Variants in SLIT1 observed in about 807,000 individuals in gnomAD.
SLIT1 encodes slit guidance ligand 1.
SLIT1 carries 66 observed loss-of-function variants against 186.1 expected under a neutral mutation model. The ratio of observed to expected loss-of-function variants is 0.35; its 90% CI spans 0.29 to 0.44. The LOEUF is 0.44. Among genes scored for constraint, SLIT1 ranks in the 20% least tolerant of loss-of-function variants. The pLI is 1.00. For missense variants in SLIT1, 1,638 were observed against 2,037.4 expected, an observed-to-expected ratio of 0.80 and a Z score of 3.77; for synonymous variants, 761 against 833.8, an observed-to-expected ratio of 0.91 and a Z score of 1.50.
chr10:97,060,047 C>T lies in SLIT1; in HGVS notation c.1013+40G>A, dbSNP rs199592006. On this transcript the variant is annotated intron_variant, in intron 10 of 36. Coordinates refer to ENST00000266058, the MANE Select transcript of SLIT1 (RefSeq NM_003061.3). ...TGGGACCACCCAGGATCTCCGTCAG[C>T]CCTGTACCAGCTCCCCAGGAAGCAG... 261 of 1,539,712 alleles carry T rather than the reference C, an allele frequency of 1.7e-4. No homozygotes were observed. The African/African-American group carries it at 3.3e-3, about 20-fold the overall frequency.
chr10:97,067,435 CA>C (rs1314891880), intron 4 of SLIT1, among the ~76,000 whole-genome samples: 1 of 152,220 alleles, frequency 6.6e-6, no homozygotes, highest in African/African-American at 2.4e-5. Flanking sequence ...CCCAGGCCAG[CA>C]CTGCCTGAGT....
chr10:97,014,549 G>A (rs1263295235), intron 28 of SLIT1, among the ~76,000 whole-genome samples: 1 of 152,162 alleles, frequency 6.6e-6, no homozygotes, highest in Non-Finnish European at 1.5e-5. Flanking sequence ...TGGGAGGAAG[G>A]TGACTGGGGC....
chr10:97,128,752 G>C (rs1253259946), intron 4 of SLIT1, among the ~76,000 whole-genome samples: 1 of 152,162 alleles, frequency 6.6e-6, no homozygotes, highest in Non-Finnish European at 1.5e-5. Context: ...GGAAAGGAGA[G>C]GATGTGTTTG....
At chr10:97,081,883 A>T (rs1849109025) in intron 4 of SLIT1, among the ~76,000 whole-genome samples, 1 of 152,084 alleles carries the variant, frequency 6.6e-6, no homozygotes, top group Non-Finnish European at 1.5e-5. Flanking sequence ...CTAAAGACTC[A>T]CCTTGGATCC....
At chr10:97,088,219 T>C (rs1304466330) in intron 4 of SLIT1, among the ~76,000 whole-genome samples, 1 of 152,204 alleles carries the variant, frequency 6.6e-6, no homozygotes, top group Non-Finnish European at 1.5e-5. Context: ...GCCCTCATTC[T>C]ACACGTATGA....
rs1282063655 is a variant in SLIT1 at position 97,000,686 on chromosome 10, TG to T, written c.*425del. ...TGCCCGCAGAGGGGTAAGAGGCTTC[TG>T]GGGCCACAGACCCAGTTCCAAGCCA... On this transcript the variant is annotated 3_prime_UTR_variant, in exon 37 of 37. Transcript: ENST00000266058. 6.1e-6 allele frequency: 1 copy of T among 164,940 alleles called. No homozygotes were observed. Among genetic ancestry groups the T allele is most frequent in the Non-Finnish European group, 1.3e-5 (1 of 76,608 alleles). The allele number at this position is 164,940 out of a possible 1,614,324, so 10.2% of individuals were successfully genotyped here. A position where few individuals can be genotyped will look rare whatever the true frequency, so the allele number is the denominator to read the frequency against.
chr10:96,998,073 A>G lies in SLIT1; in HGVS notation c.*3039T>C, dbSNP rs1163961077. On this transcript the variant is annotated 3_prime_UTR_variant, in exon 37 of 37. Coordinates refer to ENST00000266058, the MANE Select transcript of SLIT1 (RefSeq NM_003061.3). ...TCAATGTCATGTTCACATGGAAGAC[A>G]ACAGACAATATCGACATAGTCTAAA... is the stretch of plus-strand genomic sequence containing the variant. 6.6e-6 allele frequency: 1 copy of G among 152,252 alleles called. No homozygotes were observed. Among genetic ancestry groups the G allele is most frequent in the Non-Finnish European group, 1.5e-5 (1 of 68,066 alleles). The allele number at this position is 152,252 out of a possible 1,614,324, so 9.4% of individuals were successfully genotyped here.
At chr10:97,099,228 T>C (rs114074745) in intron 4 of SLIT1, among the ~76,000 whole-genome samples, 2,323 of 151,670 alleles carry the variant, frequency 0.015, 58 homozygotes, top group African/African-American at 0.05. Context: ...CAGGGCTTGA[T>C]GTGGGGATTC....
chr10:97,002,376 G>A lies in SLIT1; in HGVS notation c.4155-7C>T. On this transcript the variant is annotated splice_polypyrimidine_tract_variant and splice_region_variant and intron_variant, in intron 35 of 36. Coordinates refer to ENST00000266058, the MANE Select transcript of SLIT1 (RefSeq NM_003061.3). Reference sequence around the variant, plus strand: ...GCATTGCCCATGGACACACCTGGAGGAGACAGAGAAAAGGCGCTGTGAGGA... The same window carrying A: ...GCATTGCCCATGGACACACCTGGAGAAGACAGAGAAAAGGCGCTGTGAGGA... 3 of 1,585,926 alleles carry A rather than the reference G, an allele frequency of 1.9e-6. No individual in the cohort carries two copies. Among genetic ancestry groups the A allele is most frequent in the South Asian group, 2.2e-5 (2 of 89,542 alleles).
intron 28 of SLIT1, among the ~76,000 whole-genome samples, chr10:97,016,395 T>A (rs1167127416): frequency 6.6e-6 from 1 of 152,202 alleles, no homozygotes; most frequent in African/African-American, 2.4e-5. Context: ...TTTTTAAAGC[T>A]TAATTTATTT....
rs1848359503 is a variant in SLIT1, at chr10:97,006,392, C to G, written c.3579+91G>C. The G allele has an allele frequency of 1.2e-6, 1 of 835,914 alleles. No homozygotes were observed. The highest frequency in any genetic ancestry group is 2.0e-6 in the Non-Finnish European group (1 of 504,590). The allele number at this position is 835,914 out of a possible 1,614,324, so 51.8% of individuals were successfully genotyped here. A position where few individuals can be genotyped will look rare whatever the true frequency, so the allele number is the denominator to read the frequency against. On this transcript the variant is annotated intron_variant, in intron 32 of 36. Transcript: ENST00000266058. The surrounding 1 kb of genome is among the most constrained non-coding windows in gnomAD (Gnocchi z 4.0). The stretch of plus-strand genomic sequence containing the variant: ...CACAGAGTCCTTCCAGTTCCCCAGG[C>G]ACCATGCAGGGATGTATCCTGATGC...
Position 97,063,451 on chromosome 10 carries a change from C to A in SLIT1, c.793+4G>T, listed in dbSNP as rs1424512883. ...TTGAGAGCCCGGCAGGGGTCTGCAC[C>A]CACCTGAGCAGCTGAACTCACTCTT... is the stretch of plus-strand genomic sequence containing the variant. On this transcript the variant is annotated splice_donor_region_variant and intron_variant, in intron 8 of 36. Transcript: ENST00000266058. 3 of 1,612,302 alleles carry A rather than the reference C, an allele frequency of 1.9e-6. No homozygotes were observed. The African/African-American group carries it at 4.0e-5, about 22-fold the overall frequency.
At chr10:97,097,043 G>C (rs1378202422) in intron 4 of SLIT1, among the ~76,000 whole-genome samples, 1 of 152,164 alleles carries the variant, frequency 6.6e-6, no homozygotes, top group Non-Finnish European at 1.5e-5. Flanking sequence ...GGCAAGATGA[G>C]AGTGCACAGC....
intron 1 of SLIT1, among the ~76,000 whole-genome samples, chr10:97,167,158 T>C (rs117815947): frequency 0.026 from 3,892 of 152,238 alleles, 65 homozygotes; most frequent in Non-Finnish European, 0.034. Context: ...CCACCCTAAA[T>C]GCTGCAAGGA....
chr10:97,046,656 G>T lies in SLIT1; in HGVS notation c.1851C>A (p.Thr617=). Residue 617 remains threonine (T), a splice_region_variant and synonymous_variant, in exon 18 of 37, where the codon ACC becomes ACA. Transcript: ENST00000266058. ...GCTCCCCAGCCCTGCACACTCACAG[G>T]GTCCTCAAGCCATCCAGACCCCGGA... is the stretch of plus-strand genomic sequence containing the variant. ...GMFRGLDGLR[T]LMLRNNRISC... The T allele has an allele frequency of 6.2e-7, 1 of 1,606,188 alleles. No homozygotes were observed.
At chr10:97,151,139 C>T (rs1051311578) in intron 4 of SLIT1, among the ~76,000 whole-genome samples, 7 of 152,174 alleles carry the variant, frequency 4.6e-5, no homozygotes, top group African/African-American at 1.4e-4. Flanking sequence ...GGCAGGGCCA[C>T]ACTCATCCAT....
chr10:97,136,080 T>C (rs1041899995), intron 4 of SLIT1, among the ~76,000 whole-genome samples: 2 of 152,164 alleles, frequency 1.3e-5, no homozygotes, highest in Non-Finnish European at 2.9e-5. Context: ...AAATAAAGAA[T>C]GGCAACACAC....
chr10:97,012,529 T>C (rs1226407201), intron 30 of SLIT1, among the ~76,000 whole-genome samples: 2 of 152,202 alleles, frequency 1.3e-5, no homozygotes, highest in South Asian at 2.1e-4. Flanking sequence ...CCCTTCGTGA[T>C]TGAGGGGCTG....
chr10:97,067,055 C>T (rs966079359), intron 4 of SLIT1, among the ~76,000 whole-genome samples: 1 of 152,204 alleles, frequency 6.6e-6, no homozygotes, highest in Non-Finnish European at 1.5e-5. Flanking sequence ...GCCAGTAGCC[C>T]ACCCAGATCT....
Sources: gnomAD v4.1 joint callset for allele counts (sites outside exome capture counted in the v4.1 genomes callset) on GRCh38, gnomAD v4.1.1 for gene constraint, Gnocchi (gnomAD v3.1) non-coding constraint, MANE v1.5 for transcripts, NCBI Gene and HGNC (gene_info 2026-07-23, HGNC 2026-07-21) for gene names.